Variants in C8G observed in about 807,000 individuals in gnomAD.
C8G encodes the protein complement component C8 gamma chain.
C8G carries 38 observed loss-of-function variants against 29.1 expected under a neutral mutation model. The observed-to-expected ratio is 1.31, with a 90% confidence interval of 1.01 to 1.71. The LOEUF is 1.71. C8G is among the 40% of genes most tolerant of loss of function. C8G has a pLI of 0.00. For missense variants in C8G, 300 were observed against 267.4 expected (o/e 1.12, Z -0.85); for synonymous variants, 158 against 113.2 (o/e 1.40, Z -2.51).
chr9:136,946,336 T>C (rs1057472041), intron 4 of C8G, 129 bp from the exon 5 acceptor site: 1 of 1,393,606 alleles, frequency 7.2e-7, no homozygotes, highest in African/African-American at 1.5e-5. Flanking sequence ...GCCCAGGGAG[T>C]AGTGACAGAC....
rs759691164 is a variant in C8G, at chr9:136,945,912, C to T, written c.276-17C>T. 9.7e-6 allele frequency: 15 copies of T among 1,553,282 alleles called. No homozygotes were observed. The South Asian group carries it at 1.5e-4, about 16-fold the overall frequency. ...TGGGGTCTCCCAGCCTGTGGTGCCT[C>T]CTCCCCGCCCCCCCAGGGATGGGAT... On this transcript the variant is annotated splice_polypyrimidine_tract_variant and intron_variant, in intron 2 of 6. Coordinates refer to ENST00000371634, the MANE Select transcript of C8G (RefSeq NM_000606.3).
At position 136,945,923 on chromosome 9, in the gene C8G, C is replaced by T; in HGVS notation, c.276-6C>T. ...AGCCTGTGGTGCCTCCTCCCCGCCCCCCCAGGGATGGGATCTGCTGGCAGG... is the reference window on the plus strand; with the variant it reads ...AGCCTGTGGTGCCTCCTCCCCGCCCTCCCAGGGATGGGATCTGCTGGCAGG... On this transcript the variant is annotated splice_polypyrimidine_tract_variant and splice_region_variant and intron_variant, in intron 2 of 6. Coordinates refer to ENST00000371634, the MANE Select transcript of C8G (RefSeq NM_000606.3). The T allele has an allele frequency of 6.4e-7, 1 of 1,558,574 alleles. No individual in the cohort carries two copies. The highest frequency in any genetic ancestry group is 8.7e-7 in the Non-Finnish European group (1 of 1,151,594).
rs895606516 is a variant in C8G at position 136,946,881 on chromosome 9, C to T, written c.*100C>T. 1.8e-5 allele frequency: 26 copies of T among 1,432,878 alleles called. No homozygotes were observed. Among genetic ancestry groups the T allele is most frequent in the Non-Finnish European group, 1.9e-5 (20 of 1,053,702 alleles). The allele number at this position is 1,432,878 out of a possible 1,614,324, so 88.8% of individuals were successfully genotyped here. A position where few individuals can be genotyped will look rare whatever the true frequency, so the allele number is the denominator to read the frequency against. Reference sequence around the variant, plus strand: ...GTCCTCCGTGAAACCAGCCTCAGATCAGGGCCCTGCCACCCAGGGCAGGGG... The same window carrying T: ...GTCCTCCGTGAAACCAGCCTCAGATTAGGGCCCTGCCACCCAGGGCAGGGG... On this transcript the variant is annotated 3_prime_UTR_variant, in exon 7 of 7. Coordinates refer to ENST00000371634, the MANE Select transcript of C8G (RefSeq NM_000606.3).
At chr9:136,945,583 G>A in intron 1 of C8G, 51 bp from the exon 2 acceptor site, 3 of 1,591,040 alleles carry the variant, frequency 1.9e-6, no homozygotes, top group Non-Finnish European at 2.6e-6. Context: ...AGGGAAGCAG[G>A]TGAGGGGCCC....
chr9:136,946,557 C>G lies in C8G; in HGVS notation c.547C>G (p.Pro183Ala), dbSNP rs1199741006. The G allele has an allele frequency of 6.2e-6, 10 of 1,612,892 alleles. No individual in the cohort carries two copies. In the East Asian group the frequency reaches 2.2e-4, roughly 36 times the overall value. The change falls in exon 5 of 7, where the codon CCC becomes GCC. Residue 183 changes from proline to alanine, a missense_variant. By Grantham distance (27) the Pro-to-Ala change is conservative (BLOSUM62 -1). Coordinates refer to ENST00000371634, the MANE Select transcript of C8G (RefSeq NM_000606.3). ...HLTEDQIFYF[P>A]KYGFCEAADQ... ...GACTGAGGACCAGATCTTCTACTTC[C>G]CCAAGTACGGTGAGTGTCCCCAGCA...
rs1850990829 is a variant in C8G at position 136,945,246 on chromosome 9, A to G, written c.-75A>G. Reference sequence around the variant, plus strand: ...TTCCTGGGCTGGGCTCTGTGACAGCAGAGTAGACTCTGTCCTGGGACTTGG... The same window carrying G: ...TTCCTGGGCTGGGCTCTGTGACAGCGGAGTAGACTCTGTCCTGGGACTTGG... On this transcript the variant is annotated 5_prime_UTR_variant, in exon 1 of 7. Coordinates refer to ENST00000371634, the MANE Select transcript of C8G (RefSeq NM_000606.3). 1 of 1,504,864 alleles carries G rather than the reference A, an allele frequency of 6.6e-7. No individual in the cohort carries two copies. Among genetic ancestry groups the G allele is most frequent in the South Asian group, 1.3e-5 (1 of 75,938 alleles). The allele number at this position is 1,504,864 out of a possible 1,614,324, so 93.2% of individuals were successfully genotyped here. A position where few individuals can be genotyped will look rare whatever the true frequency, so the allele number is the denominator to read the frequency against.
At chr9:136,946,726 A>AG (rs1380254888) in intron 6 of C8G, 37 bp downstream of exon 6, 5 of 1,609,582 alleles carry the variant, frequency 3.1e-6, no homozygotes, top group African/African-American at 1.3e-5. Context: ...CGGCGTGGTG[A>AG]GGGGGGCCAC....
chr9:136,945,468 G>C lies in C8G; in HGVS notation c.138+10G>C, dbSNP rs1564440924. 1.3e-6 allele frequency: 2 copies of C among 1,516,354 alleles called. No individual in the cohort carries two copies. The highest frequency in any genetic ancestry group is 1.7e-4 in the Middle Eastern group (1 of 5,826). 93.9% of individuals were successfully genotyped at this position (1,516,354 alleles called of 1,614,324 possible). A position where few individuals can be genotyped will look rare whatever the true frequency, so the allele number is the denominator to read the frequency against. On this transcript the variant is annotated intron_variant, in intron 1 of 6. Transcript: ENST00000371634. ...TTTTGATGCTCAGCAGGTAGAAGTT[G>C]GGGGGGGTAGAGGGAGGCAGGTAGA...
Position 136,945,413 on chromosome 9 carries a change from C to T in C8G, c.93C>T (p.Ser31=). Residue 31 remains serine, a synonymous_variant, in exon 1 of 7, where the codon TCC becomes TCT. Coordinates refer to ENST00000371634, the MANE Select transcript of C8G (RefSeq NM_000606.3). ...QKPQRPRRPA[S]PISTIQPKAN... ...CTCAGAGGCCACGCCGGCCCGCATC[C>T]CCCATCAGCACCATCCAGCCCAAGG... The T allele has an allele frequency of 6.3e-7, 1 of 1,598,484 alleles. No individual in the cohort carries two copies. The highest frequency in any genetic ancestry group is 8.5e-7 in the Non-Finnish European group (1 of 1,173,056).
At chr9:136,945,549 C>A (rs2131366500) in intron 1 of C8G, 85 bp from the exon 2 acceptor site, 1 of 1,545,828 alleles carries the variant, frequency 6.5e-7, no homozygotes, top group Non-Finnish European at 8.8e-7. Flanking sequence ...GAGAGGGAAG[C>A]AGGTGAAGTT....
In C8G at chr9:136,946,773, A is replaced by G. The variant is rs771007800; in HGVS notation, c.601A>G (p.Arg201Gly). The G allele has an allele frequency of 1.9e-6, 3 of 1,595,256 alleles. No individual in the cohort carries two copies. Among genetic ancestry groups the G allele is most frequent in the Non-Finnish European group, 2.6e-6 (3 of 1,174,598 alleles). ...ADQFHVLDEV[R>G]R is the part of the protein sequence containing the mutation. The stretch of plus-strand genomic sequence containing the variant: ...GAGTCTCGTCTCTGCTGCAGAAGTG[A>G]GGAGGTGAGGCCGGCACACAGCTCC... Residue 201 changes from arginine (R) to glycine (G), a missense_variant, in exon 7 of 7, where the codon AGG becomes GGG. Transcript: ENST00000371634.
chr9:136,945,921 C>T lies in C8G; in HGVS notation c.276-8C>T, dbSNP rs199510015. 6 of 1,557,702 alleles carry T rather than the reference C, an allele frequency of 3.9e-6. No individual in the cohort carries two copies. Among genetic ancestry groups the T allele is most frequent in the East Asian group, 2.4e-5 (1 of 41,602 alleles). ...CCAGCCTGTGGTGCCTCCTCCCCGCCCCCCCAGGGATGGGATCTGCTGGCA... is the reference window on the plus strand; with the variant it reads ...CCAGCCTGTGGTGCCTCCTCCCCGCTCCCCCAGGGATGGGATCTGCTGGCA... On this transcript the variant is annotated splice_polypyrimidine_tract_variant and splice_region_variant and intron_variant, in intron 2 of 6. Coordinates refer to ENST00000371634, the MANE Select transcript of C8G (RefSeq NM_000606.3).
At position 136,945,333 on chromosome 9, in the gene C8G, G is replaced by A. The variant is rs780706153; in HGVS notation, c.13G>A (p.Gly5Arg). The A allele has an allele frequency of 1.9e-6, 3 of 1,609,968 alleles. No homozygotes were observed. The highest frequency in any genetic ancestry group is 1.3e-5 in the African/African-American group (1 of 74,986). Residue 5 changes from glycine (G) to arginine (R), a missense_variant, in exon 1 of 7, where the codon GGG (glycine) becomes AGG (arginine). By Grantham distance (125) the Gly-to-Arg change is moderately radical (BLOSUM62 -2). Transcript: ENST00000371634. MLPP[G>R]TATLLTLLLA... ...TGCTGCCGCCACCATGCTGCCCCCT[G>A]GGACTGCGACCCTCTTGACTCTGCT...
In C8G at chr9:136,945,648, G is replaced by T; in HGVS notation, c.153G>T (p.Trp51Cys). The T allele has an allele frequency of 1.2e-6, 2 of 1,609,784 alleles. No homozygotes were observed. The highest frequency in any genetic ancestry group is 2.2e-5 in the East Asian group (1 of 44,854). ...TCTGCCCCCAGTTTGCAGGGACCTG[G>T]CTCCTTGTGGCTGTGGGCTCCGCTT... ...NFDAQQFAGT[W>C]LLVAVGSACR... The change falls in exon 2 of 7, where the codon TGG (tryptophan) becomes TGT (cysteine). Residue 51 changes from tryptophan (W) to cysteine (C), a missense_variant. Coordinates refer to ENST00000371634, the MANE Select transcript of C8G (RefSeq NM_000606.3).
In C8G at chr9:136,946,775, G is replaced by A; in HGVS notation, c.603G>A (p.Arg201=). The A allele has an allele frequency of 6.3e-7, 1 of 1,594,762 alleles. No individual in the cohort carries two copies. ...ADQFHVLDEV[R]R ...GTCTCGTCTCTGCTGCAGAAGTGAGGAGGTGAGGCCGGCACACAGCTCCAG... is the reference window on the plus strand; with the variant it reads ...GTCTCGTCTCTGCTGCAGAAGTGAGAAGGTGAGGCCGGCACACAGCTCCAG... The change falls in exon 7 of 7, where the codon AGG becomes AGA. Residue 201 remains arginine (R), a synonymous_variant. Coordinates refer to ENST00000371634, the MANE Select transcript of C8G (RefSeq NM_000606.3).
chr9:136,946,338 G>T lies in C8G; in HGVS notation c.455-127G>T. The T allele has an allele frequency of 3.5e-6, 5 of 1,410,832 alleles. No individual in the cohort carries two copies. In the South Asian group the frequency reaches 7.0e-5, roughly 20 times the overall value. 87.4% of individuals were successfully genotyped at this position (1,410,832 alleles called of 1,614,324 possible). The stretch of plus-strand genomic sequence containing the variant: ...CTGCTAAGCAGGGGCCCAGGGAGTA[G>T]TGACAGACAGGCCTGGTGTGGGAGC... On this transcript the variant is annotated intron_variant, in intron 4 of 6. Coordinates refer to ENST00000371634, the MANE Select transcript of C8G (RefSeq NM_000606.3).
At position 136,945,377 on chromosome 9, in the gene C8G, G is replaced by A. The variant is rs761110972; in HGVS notation, c.57G>A (p.Leu19=). Residue 19 remains leucine, a synonymous_variant, in exon 1 of 7, where the codon CTG becomes CTA. Transcript: ENST00000371634. ...CTCTGCTCCTGGCAGCTGGCTCGCT[G>A]GGCCAGAAGCCTCAGAGGCCACGCC... ...LLTLLLAAGS[L]GQKPQRPRRP... 3 of 1,612,632 alleles carry A rather than the reference G, an allele frequency of 1.9e-6. No individual in the cohort carries two copies. The East Asian group carries it at 6.7e-5, about 36-fold the overall frequency.
Position 136,946,830 on chromosome 9 carries a change from C to A in C8G, c.*49C>A, listed in dbSNP as rs1198990622. 1.3e-6 allele frequency: 2 copies of A among 1,540,374 alleles called. No individual in the cohort carries two copies. The highest frequency in any genetic ancestry group is 2.7e-5 in the African/African-American group (2 of 73,216). ...GAGAAGTCAGTGCCCCGAGAGACGA[C>A]CCCACCAGTGGGGTGCCCGCTGCCT... On this transcript the variant is annotated 3_prime_UTR_variant, in exon 7 of 7. Transcript: ENST00000371634.
intron 4 of C8G, 25 bp downstream of exon 4, chr9:136,946,217 C>G (rs1243577934): frequency 7.9e-6 from 12 of 1,525,144 alleles, no homozygotes; most frequent in Non-Finnish European, 9.7e-6. Flanking sequence ...GCCTCTGTGA[C>G]CAGGCAGGCG....
Sources: allele counts gnomAD v4.1 joint callset, GRCh38; gene constraint gnomAD v4.1.1; transcripts MANE v1.5; gene names NCBI Gene and HGNC (gene_info 2026-07-23, HGNC 2026-07-21).